MACROD2: variants seen among roughly 807,000 people sequenced by gnomAD.
MACROD2 encodes the protein ADP-ribose glycohydrolase MACROD2.
In MACROD2, 36 loss-of-function variants were observed where a neutral mutation model predicts 70.4. That is an observed-to-expected ratio of 0.51 (90% CI 0.39 to 0.68). MACROD2 has a LOEUF of 0.68. MACROD2 is among the 30% of genes least tolerant of loss of function. The probability of loss-of-function intolerance (pLI) is 0.00; values close to 1 mark genes in which losing one functional copy is unlikely to be tolerated. For synonymous variants in MACROD2, 172 were observed against 178.8 expected, an observed-to-expected ratio of 0.96 and a Z score of 0.30; for missense variants, 496 against 538.4, an observed-to-expected ratio of 0.92 and a Z score of 0.78.
chr20:14,161,150 A>G (rs2055181193), intron 3 of MACROD2, among the ~76,000 whole-genome samples: 1 of 150,250 alleles, frequency 6.7e-6, no homozygotes, highest in Non-Finnish European at 1.5e-5. Flanking sequence ...TTCCATTCAT[A>G]TTACTGCAAA....
At chr20:14,086,520 A>T (rs959800979) in intron 3 of MACROD2, among the ~76,000 whole-genome samples, 3 of 152,202 alleles carry the variant, frequency 2.0e-5, no homozygotes, top group Non-Finnish European at 2.9e-5. Flanking sequence ...AAGGAGGAGG[A>T]TGATTTCAAT....
chr20:15,632,152 C>T (rs949905481), intron 8 of MACROD2, among the ~76,000 whole-genome samples: 2 of 147,632 alleles, frequency 1.4e-5, no homozygotes, highest in African/African-American at 5.0e-5. Context: ...CGAGTTTGAG[C>T]GAAACTCTTA....
chr20:15,894,316 C>T (rs2064936933), intron 10 of MACROD2, among the ~76,000 whole-genome samples: 1 of 152,208 alleles, frequency 6.6e-6, no homozygotes, highest in African/African-American at 2.4e-5. Context: ...AGCTTGAATA[C>T]TAACATGATG....
At chr20:15,525,422 G>C (rs761669390) in intron 8 of MACROD2, among the ~76,000 whole-genome samples, 1 of 152,178 alleles carries the variant, frequency 6.6e-6, no homozygotes, top group African/African-American at 2.4e-5. Context: ...AGTATGTCCA[G>C]TGTAGGCAAA....
intron 5 of MACROD2, among the ~76,000 whole-genome samples, chr20:15,120,634 G>A (rs1045725252): frequency 6.6e-6 from 1 of 152,064 alleles, no homozygotes; most frequent in African/African-American, 2.4e-5. Flanking sequence ...ATTAAAATAA[G>A]GATTAAAACC....
intron 3 of MACROD2, among the ~76,000 whole-genome samples, chr20:14,382,383 TC>T (rs1244605934): frequency 6.6e-6 from 1 of 151,502 alleles, no homozygotes; most frequent in Non-Finnish European, 1.5e-5. Flanking sequence ...GAAAGGTTAA[TC>T]TGGGCCAGGC....
At chr20:15,795,249 T>C (rs1194248247) in intron 8 of MACROD2, among the ~76,000 whole-genome samples, 1 of 152,016 alleles carries the variant, frequency 6.6e-6, no homozygotes, top group African/African-American at 2.4e-5. Context: ...GAACGGTTAG[T>C]GGGGAAAGAG....
chr20:14,914,978 G>A (rs576770528), intron 5 of MACROD2, among the ~76,000 whole-genome samples: 4 of 152,156 alleles, frequency 2.6e-5, no homozygotes, highest in South Asian at 2.1e-4. Flanking sequence ...CAATAGATTC[G>A]ACTGATTTTT....
chr20:14,027,155 C>A (rs1190507537), intron 2 of MACROD2, among the ~76,000 whole-genome samples: 3 of 152,104 alleles, frequency 2.0e-5, no homozygotes, highest in African/African-American at 7.2e-5. Flanking sequence ...TTTGTTCATT[C>A]CTTTTCATTC....
chr20:14,141,747 GAAAAAAAA>G (rs3043659), intron 3 of MACROD2, among the ~76,000 whole-genome samples: 5 of 66,830 alleles, frequency 7.5e-5, no homozygotes, highest in African/African-American at 3.0e-4. Flanking sequence ...CTCCATCTCA[GAAAAAAAA>G]AAAAAAAAAA....
chr20:15,087,507 A>G (rs962534559), intron 5 of MACROD2, among the ~76,000 whole-genome samples: 2 of 152,062 alleles, frequency 1.3e-5, no homozygotes, highest in African/African-American at 2.4e-5. Flanking sequence ...CTGACAGAAT[A>G]AACTATCCAT....
At chr20:15,367,850 T>G (rs2045433885) in intron 6 of MACROD2, among the ~76,000 whole-genome samples, 2 of 152,182 alleles carry the variant, frequency 1.3e-5, no homozygotes, top group South Asian at 4.1e-4. Context: ...TCAGTATTTT[T>G]TGTCATAATT....
At chr20:14,386,809 T>C (rs1215566394) in intron 3 of MACROD2, among the ~76,000 whole-genome samples, 1 of 152,216 alleles carries the variant, frequency 6.6e-6, no homozygotes, top group Non-Finnish European at 1.5e-5. Context: ...TTTGTAGCAG[T>C]GCAAGAACAG....
intron 3 of MACROD2, among the ~76,000 whole-genome samples, chr20:14,349,937 C>T (rs575429413): frequency 2.5e-4 from 38 of 150,662 alleles, no homozygotes; most frequent in African/African-American, 8.5e-4. Flanking sequence ...TTAGTAGAGA[C>T]GGGGTTTCAC....
chr20:14,430,574 G>C (rs1030096526), intron 3 of MACROD2, among the ~76,000 whole-genome samples: 3 of 152,112 alleles, frequency 2.0e-5, no homozygotes, highest in Admixed American at 2.0e-4. Context: ...CACAGAGGAC[G>C]AACATATTTA....
rs563540597 is a variant in MACROD2 at position 15,837,164 on chromosome 20, G to A, written c.646-25581G>A. Among the ~76,000 whole-genome samples the A allele has an allele frequency of 2.6e-3, 396 of 152,224 alleles. 3 individuals carry two copies. The highest frequency in any genetic ancestry group is 6.8e-3 in the Middle Eastern group (2 of 294). ...GTAGACGAAAAAAAAGATATTAAAG[G>A]AAGCCCCCTTTTTAACCTTTAAACA... On this transcript the variant is annotated intron_variant, in intron 8 of 17. Transcript: ENST00000684519.
At chr20:15,075,425 C>G (rs2075650393) in intron 5 of MACROD2, among the ~76,000 whole-genome samples, 2 of 152,116 alleles carry the variant, frequency 1.3e-5, no homozygotes. Context: ...GAATTTCCAA[C>G]TCAAATTGGC....
At chr20:15,970,527 C>A (rs2066214251) in intron 13 of MACROD2, among the ~76,000 whole-genome samples, 1 of 151,932 alleles carries the variant, frequency 6.6e-6, no homozygotes, top group South Asian at 2.1e-4. Flanking sequence ...TGAGGTGAGC[C>A]CTGTGATTGC....
intron 8 of MACROD2, among the ~76,000 whole-genome samples, chr20:15,708,509 G>A (rs2050571694): frequency 6.6e-6 from 1 of 152,144 alleles, no homozygotes; most frequent in African/African-American, 2.4e-5. Context: ...AGTCAGGGAG[G>A]CGGAAACAGA....
Sources: gnomAD v4.1 joint callset for allele counts (sites outside exome capture counted in the v4.1 genomes callset) on GRCh38, gnomAD v4.1.1 for gene constraint, MANE v1.5 for transcripts, NCBI Gene and HGNC (gene_info 2026-07-23, HGNC 2026-07-21) for gene names.